WAPL: variants seen among roughly 807,000 people sequenced by gnomAD.
The protein encoded by WAPL is WAPL cohesin release factor.
Under a neutral mutation model 121.0 loss-of-function variants are expected in WAPL, and 5 were observed. The observed-to-expected ratio is 0.04, with a 90% CI of 0.02 to 0.09. WAPL has a LOEUF of 0.09. WAPL is among the 10% of genes least tolerant of loss of function. WAPL has a pLI of 1.00. For synonymous variants in WAPL, 480 were observed against 481.5 expected, an observed-to-expected ratio of 1.00 and a Z score of 0.04; for missense variants, 999 against 1,410.8, an observed-to-expected ratio of 0.71 and a Z score of 4.68.
chr10:86,484,893 C>T (rs1373729718), intron 4 of WAPL, among the ~76,000 whole-genome samples: 2 of 152,172 alleles, frequency 1.3e-5, no homozygotes, highest in African/African-American at 4.8e-5. Flanking sequence ...ATGAAATCGC[C>T]TAATGATGCA....
intron 12 of WAPL, among the ~76,000 whole-genome samples, chr10:86,455,831 T>C (rs1390714901): frequency 2.0e-5 from 3 of 151,940 alleles, no homozygotes; most frequent in South Asian, 4.2e-4. Context: ...ATAAAAAATA[T>C]AGCATCTAGA....
intron 12 of WAPL, among the ~76,000 whole-genome samples, chr10:86,458,445 G>A (rs1007888538): frequency 6.6e-6 from 1 of 152,154 alleles, no homozygotes; most frequent in Non-Finnish European, 1.5e-5. Context: ...TAAATAAAGT[G>A]CAGAAGAACA....
At chr10:86,460,323 T>C (rs565902097) in intron 11 of WAPL, 76 bp downstream of exon 11, 2 of 1,168,728 alleles carry the variant, frequency 1.7e-6, no homozygotes, top group African/African-American at 1.5e-5. Context: ...ATATAAAATA[T>C]TTGGCAGTCT....
intron 17 of WAPL, among the ~76,000 whole-genome samples, chr10:86,440,454 A>ATT (rs11411843): frequency 2.4e-4 from 36 of 149,388 alleles, no homozygotes; most frequent in African/African-American, 6.4e-4. Flanking sequence ...CGCCCGGCTA[A>ATT]TTTTTTTTTT....
At chr10:86,456,226 T>C (rs994827277) in intron 12 of WAPL, among the ~76,000 whole-genome samples, 8 of 152,198 alleles carry the variant, frequency 5.3e-5, no homozygotes, top group African/African-American at 1.9e-4. Context: ...GCATTCTATC[T>C]TTCTATATTC....
At chr10:86,500,945 C>T (rs1055042622) in intron 2 of WAPL, among the ~76,000 whole-genome samples, 1 of 152,178 alleles carries the variant, frequency 6.6e-6, no homozygotes, top group Non-Finnish European at 1.5e-5. Flanking sequence ...CTTCTACTGA[C>T]CTTTCCTCAG....
At chr10:86,490,842 C>T (rs1345510585) in intron 4 of WAPL, among the ~76,000 whole-genome samples, 1 of 151,978 alleles carries the variant, frequency 6.6e-6, no homozygotes, top group African/African-American at 2.4e-5. Context: ...GCAGGTGGAT[C>T]ACCTGAGGTC....
chr10:86,453,542 G>A, intron 13 of WAPL, 114 bp downstream of exon 13: 3 of 1,313,290 alleles, frequency 2.3e-6, no homozygotes, highest in Non-Finnish European at 3.1e-6. Flanking sequence ...AGTAAGTCAA[G>A]TACATTATGA....
intron 4 of WAPL, among the ~76,000 whole-genome samples, chr10:86,476,349 A>G (rs1421621558): frequency 6.6e-6 from 1 of 151,874 alleles, no homozygotes; most frequent in East Asian, 1.9e-4. Context: ...TGGGCGACAG[A>G]GCGAGACTCT....
At chr10:86,469,535 T>TG (rs1841485935) in intron 8 of WAPL, among the ~76,000 whole-genome samples, 2 of 152,028 alleles carry the variant, frequency 1.3e-5, no homozygotes, top group Admixed American at 1.3e-4. Context: ...ATTATAGGCA[T>TG]GAGCCACCGC....
chr10:86,511,218 G>A (rs945622931), intron 2 of WAPL, among the ~76,000 whole-genome samples: 1 of 152,076 alleles, frequency 6.6e-6, no homozygotes, highest in African/African-American at 2.4e-5. Context: ...AGGCTGAGGT[G>A]GGAGCACTGC....
intron 15 of WAPL, among the ~76,000 whole-genome samples, chr10:86,449,056 C>T (rs752991840): frequency 6.6e-6 from 1 of 152,064 alleles, no homozygotes; most frequent in African/African-American, 2.4e-5. Context: ...TCCCCCACTA[C>T]GTATGTGAAT....
At chr10:86,451,913 TG>T in intron 15 of WAPL, 53 bp downstream of exon 15, 1 of 1,590,470 alleles carries the variant, frequency 6.3e-7, no homozygotes, top group Non-Finnish European at 8.6e-7. Context: ...TAAAAGAAAT[TG>T]GACAAATCCA....
intron 15 of WAPL, among the ~76,000 whole-genome samples, chr10:86,448,972 C>G (rs1840903170): frequency 6.6e-6 from 1 of 152,170 alleles, no homozygotes; most frequent in Non-Finnish European, 1.5e-5. Flanking sequence ...AGGACAAACA[C>G]AAAACTATTA....
At chr10:86,463,666 T>C (rs1477348553) in intron 9 of WAPL, among the ~76,000 whole-genome samples, 1 of 152,250 alleles carries the variant, frequency 6.6e-6, no homozygotes, top group Admixed American at 6.5e-5. Context: ...TCTACAGTAG[T>C]GTGCCGTCAT....
chr10:86,483,768 A>AC (rs1224942092), intron 4 of WAPL, among the ~76,000 whole-genome samples: 1 of 90,986 alleles, frequency 1.1e-5, no homozygotes, highest in Non-Finnish European at 2.4e-5. Context: ...TAAGTTTTTA[A>AC]CAAAAAAAAA....
At chr10:86,492,297 G>A (rs375136441) in intron 4 of WAPL, among the ~76,000 whole-genome samples, 1 of 152,118 alleles carries the variant, frequency 6.6e-6, no homozygotes, top group Admixed American at 6.5e-5. Context: ...AAGAAATAAC[G>A]ATTAGAAAAC....
Position 86,511,690 on chromosome 10 carries a change from T to C in WAPL, c.499+5881A>G, listed in dbSNP as rs191414927. On this transcript the variant is annotated intron_variant, in intron 2 of 18. Transcript: ENST00000298767. ...GGCTCATGCCTGTAATCCCAACACT[T>C]CGGGAGGTGGAGGCAGGAGGACTAC... Among the ~76,000 whole-genome samples, 34 of 152,192 alleles carry C rather than the reference T, an allele frequency of 2.2e-4. No individual in the cohort carries two copies. The East Asian group carries it at 5.8e-3, about 26-fold the overall frequency.
At chr10:86,501,388 T>C (rs1022128869) in intron 2 of WAPL, among the ~76,000 whole-genome samples, 5 of 152,246 alleles carry the variant, frequency 3.3e-5, no homozygotes. Context: ...TCATCTGGTA[T>C]GTGGAGAATT....
Sources: gnomAD v4.1 joint callset for allele counts (sites outside exome capture counted in the v4.1 genomes callset) on GRCh38, gnomAD v4.1.1 for gene constraint, MANE v1.5 for transcripts, NCBI Gene and HGNC (gene_info 2026-07-23, HGNC 2026-07-21) for gene names.